The following SEMA5B variants were observed in gnomAD, a reference collection of about 807,000 sequenced individuals.
SEMA5B encodes semaphorin 5B.
Under a neutral mutation model 135.0 loss-of-function variants are expected in SEMA5B, and 66 were observed. The ratio of observed to expected loss-of-function variants is 0.49; its 90% CI spans 0.40 to 0.60. The LOEUF (loss-of-function observed/expected upper bound fraction) is 0.60. Among genes scored for constraint, SEMA5B ranks in the 20% least tolerant of loss-of-function variants. The pLI is 0.00. For synonymous variants in SEMA5B, 690 were observed against 639.5 expected (o/e 1.08, Z -1.19); for missense variants, 1,501 against 1,566.3 (o/e 0.96, Z 0.70).
intron 5 of SEMA5B, among the ~76,000 whole-genome samples, chr3:122,931,960 G>A (rs1399488451): frequency 6.6e-6 from 1 of 152,210 alleles, no homozygotes; most frequent in Non-Finnish European, 1.5e-5. Flanking sequence ...TACCTGCACA[G>A]GCATGACAAC....
intron 1 of SEMA5B, among the ~76,000 whole-genome samples, chr3:122,979,899 A>G (rs922483789): frequency 9.9e-5 from 15 of 152,220 alleles, no homozygotes; most frequent in African/African-American, 3.6e-4. Context: ...ATTTGTGGAT[A>G]TGACTTTATT....
Position 122,928,902 on chromosome 3 carries a change from G to A in SEMA5B, c.537+94C>T, listed in dbSNP as rs547079363. ...TCATCCTGGCCAGGCCTCTCTAGCA[G>A]GGGACCTCAGTCCACACAGTGCTGC... On this transcript the variant is annotated intron_variant, in intron 6 of 22. Coordinates refer to ENST00000357599, the MANE Select transcript of SEMA5B (RefSeq NM_001031702.4). 1.8e-5 allele frequency: 23 copies of A among 1,281,604 alleles called. No individual in the cohort carries two copies. In the African/African-American group the frequency reaches 1.9e-4, roughly 11 times the overall value. 79.4% of individuals were successfully genotyped at this position (1,281,604 alleles called of 1,614,324 possible).
intron 1 of SEMA5B, among the ~76,000 whole-genome samples, chr3:123,006,641 T>C (rs775579867): frequency 3.3e-5 from 5 of 152,188 alleles, no homozygotes; most frequent in Non-Finnish European, 7.3e-5. Context: ...TTTGGTTTCC[T>C]GGAGGAACAG....
At chr3:123,026,464 A>T (rs1220094672) in intron 1 of SEMA5B, among the ~76,000 whole-genome samples, 1 of 117,696 alleles carries the variant, frequency 8.5e-6, no homozygotes, top group East Asian at 2.9e-4. Context: ...GGGGGCGGGG[A>T]GGAGGGGGCC....
intron 3 of SEMA5B, among the ~76,000 whole-genome samples, chr3:122,947,582 G>A (rs776355485): frequency 1.4e-4 from 22 of 152,240 alleles, no homozygotes; most frequent in Admixed American, 2.0e-4. Flanking sequence ...AGCACTGCAC[G>A]TGGAATCAGG....
At chr3:123,008,117 G>A (rs1201194464) in intron 1 of SEMA5B, among the ~76,000 whole-genome samples, 1 of 152,222 alleles carries the variant, frequency 6.6e-6, no homozygotes, top group Non-Finnish European at 1.5e-5. Context: ...CTGTTATGTC[G>A]AGACAGAACT....
At chr3:122,969,208 GTC>G (rs1576376749) in intron 1 of SEMA5B, among the ~76,000 whole-genome samples, 1 of 152,178 alleles carries the variant, frequency 6.6e-6, no homozygotes, top group African/African-American at 2.4e-5. Context: ...CCTGTCCAAA[GTC>G]ACACCAGAAG....
chr3:123,018,826 C>T (rs1560451379), intron 1 of SEMA5B, among the ~76,000 whole-genome samples: 1 of 152,126 alleles, frequency 6.6e-6, no homozygotes, highest in Non-Finnish European at 1.5e-5. Flanking sequence ...GGGAAAGTAG[C>T]ACCCAAATTC....
rs570827950 is a variant in SEMA5B at position 122,953,386 on chromosome 3, C to T, written c.125-4677G>A. On this transcript the variant is annotated intron_variant, in intron 2 of 22. Transcript: ENST00000357599. ...CCTGGGCCTCTTCTCCTACCCTGAA[C>T]CCCAGGCCTTAAGGTACCTAAGTTC... Among the ~76,000 whole-genome samples, 6 of 152,322 alleles carry T rather than the reference C, an allele frequency of 3.9e-5. No homozygotes were observed. The South Asian group carries it at 1.0e-3, about 26-fold the overall frequency.
intron 1 of SEMA5B, among the ~76,000 whole-genome samples, chr3:122,993,947 C>A (rs574815644): frequency 7.2e-5 from 11 of 152,234 alleles, no homozygotes; most frequent in African/African-American, 2.6e-4. Flanking sequence ...TTGGCCCCCC[C>A]ACCTCAAGCC....
intron 2 of SEMA5B, among the ~76,000 whole-genome samples, chr3:122,956,476 G>A (rs1940311658): frequency 6.6e-6 from 1 of 152,214 alleles, no homozygotes; most frequent in African/African-American, 2.4e-5. Context: ...TGACAGTGAA[G>A]GAGCGCAGAG....
intron 1 of SEMA5B, among the ~76,000 whole-genome samples, chr3:122,965,059 G>C (rs1230778897): frequency 4.6e-5 from 7 of 152,100 alleles, no homozygotes; most frequent in African/African-American, 1.7e-4. Context: ...TTTGTGACTG[G>C]CTTACTTCAA....
intron 1 of SEMA5B, among the ~76,000 whole-genome samples, chr3:123,011,124 C>T (rs1252085385): frequency 1.3e-5 from 2 of 152,194 alleles, no homozygotes; most frequent in Non-Finnish European, 2.9e-5. Flanking sequence ...GAGCCCCTTC[C>T]CCCCAAAGCT....
At chr3:123,012,853 T>A (rs1237684845) in intron 1 of SEMA5B, among the ~76,000 whole-genome samples, 1 of 152,202 alleles carries the variant, frequency 6.6e-6, no homozygotes. Flanking sequence ...GTCTAACTGA[T>A]GACATCATTT....
At chr3:123,024,243 T>C (rs1243221550) in intron 1 of SEMA5B, among the ~76,000 whole-genome samples, 1 of 152,212 alleles carries the variant, frequency 6.6e-6, no homozygotes, top group East Asian at 1.9e-4. Flanking sequence ...TAGCATCATC[T>C]TCCTAAATAC....
intron 5 of SEMA5B, among the ~76,000 whole-genome samples, chr3:122,939,171 T>C (rs1383145848): frequency 6.6e-6 from 1 of 152,254 alleles, no homozygotes; most frequent in Non-Finnish European, 1.5e-5. Flanking sequence ...TCTCCCTTCC[T>C]CATTAGCAGC....
intron 12 of SEMA5B, among the ~76,000 whole-genome samples, chr3:122,917,800 A>G (rs543950090): frequency 1.4e-5 from 2 of 147,960 alleles, no homozygotes; most frequent in African/African-American, 5.3e-5. Context: ...TAAATTGTAC[A>G]AGATAAATGT....
At position 122,912,282 on chromosome 3, in the gene SEMA5B, C is replaced by T. The variant is rs769707689; in HGVS notation, c.2786G>A (p.Gly929Asp). 3.1e-6 allele frequency: 5 copies of T among 1,611,894 alleles called. No individual in the cohort carries two copies. The African/African-American group carries it at 6.7e-5, about 22-fold the overall frequency. The change falls in exon 19 of 23, where the codon GGT (glycine) becomes GAT (aspartate). Residue 929 changes from glycine to aspartate, a missense_variant. Gly to Asp is a moderately conservative substitution (Grantham distance 94). Around this residue, in one of 2 missense-constraint regions of SEMA5B, gnomAD observed 927 missense variants for 881.6 expected, o/e 1.05. Transcript: ENST00000357599. The stretch of plus-strand genomic sequence containing the variant: ...GCAGGAACGGGTGCGTTGATAGTGA[C>T]CCCCACCACAGGAAGCTGAGCATGG... ...WSPCSASCGG[G>D]HYQRTRSCTS...
At chr3:123,006,492 C>A (rs1371183773) in intron 1 of SEMA5B, among the ~76,000 whole-genome samples, 1 of 152,198 alleles carries the variant, frequency 6.6e-6, no homozygotes, top group Non-Finnish European at 1.5e-5. Flanking sequence ...CACATTCAAC[C>A]TTTAAACTGA....
Sources: gnomAD v4.1 joint callset for allele counts (sites outside exome capture counted in the v4.1 genomes callset) on GRCh38, gnomAD v4.1.1 for gene constraint, gnomAD v4.1.1 regional missense constraint, MANE v1.5 for transcripts, NCBI Gene and HGNC (gene_info 2026-07-23, HGNC 2026-07-21) for gene names.